ANKIB1: variants seen among roughly 807,000 people sequenced by gnomAD.
The protein encoded by ANKIB1 is ankyrin repeat and IBR domain containing 1.
Under a neutral mutation model 122.1 loss-of-function variants are expected in ANKIB1, and 43 were observed. The observed-to-expected ratio is 0.35, with a 90% CI of 0.28 to 0.45. The LOEUF (loss-of-function observed/expected upper bound fraction) is 0.45, where lower values mean the gene tolerates loss of function less well. Among genes scored for constraint, ANKIB1 ranks in the 20% least tolerant of loss-of-function variants. The probability of loss-of-function intolerance (pLI) is 1.00; values close to 1 mark genes in which losing one functional copy is unlikely to be tolerated. For synonymous variants in ANKIB1, 390 were observed against 442.0 expected, an observed-to-expected ratio of 0.88 and a Z score of 1.48; for missense variants, 992 against 1,329.5, an observed-to-expected ratio of 0.75 and a Z score of 3.95.
intron 10 of ANKIB1, among the ~76,000 whole-genome samples, chr7:92,365,271 A>G (rs1804046019): frequency 6.6e-6 from 1 of 152,192 alleles, no homozygotes; most frequent in Non-Finnish European, 1.5e-5. Context: ...ACAAAGAAAG[A>G]GGAGGCCAAT....
chr7:92,256,941 G>A (rs1801459491), intron 1 of ANKIB1, among the ~76,000 whole-genome samples: 4 of 152,096 alleles, frequency 2.6e-5, no homozygotes, highest in African/African-American at 9.7e-5. Flanking sequence ...TGTAATCCTG[G>A]CACTTTGAGA....
At chr7:92,382,952 G>A (rs181090800) in intron 11 of ANKIB1, among the ~76,000 whole-genome samples, 1 of 152,254 alleles carries the variant, frequency 6.6e-6, no homozygotes, top group African/African-American at 2.4e-5. Flanking sequence ...GAGTCCAGGA[G>A]CTGGTTTTTT....
chr7:92,397,106 C>T (rs778732326), intron 18 of ANKIB1, among the ~76,000 whole-genome samples: 1 of 151,942 alleles, frequency 6.6e-6, no homozygotes, highest in Admixed American at 6.6e-5. Flanking sequence ...AAATGAAAAA[C>T]GTTTATTAGT....
chr7:92,305,914 A>G (rs1253878916), intron 2 of ANKIB1, among the ~76,000 whole-genome samples: 1 of 152,128 alleles, frequency 6.6e-6, no homozygotes, highest in East Asian at 1.9e-4. Context: ...GGAGTGGATG[A>G]TCCTCGAGAC....
At chr7:92,273,554 C>T (rs981075876) in intron 1 of ANKIB1, among the ~76,000 whole-genome samples, 4 of 152,098 alleles carry the variant, frequency 2.6e-5, no homozygotes, top group Non-Finnish European at 5.9e-5. Flanking sequence ...ACAGAAATAA[C>T]TACTAGAATC....
chr7:92,319,457 G>A lies in ANKIB1; in HGVS notation c.614G>A (p.Arg205Gln), dbSNP rs1305320870. Residue 205 changes from arginine to glutamine, a missense_variant, in exon 4 of 20, where the codon CGG becomes CAG. Physicochemically the swap from Arg to Gln is conservative, Grantham distance 43. Around this residue, in one of 4 missense-constraint regions of ANKIB1, gnomAD observed 521 missense variants for 777.7 expected, o/e 0.67. Transcript: ENST00000265742. ...LNLESQMVFS[R>Q]DPEAEEIEAE... Reference sequence around the variant, plus strand: ...CTGGAATCTCAAATGGTATTCTCACGGGATCCCGAGGCTGAAGAAATAGAA... The same window carrying A: ...CTGGAATCTCAAATGGTATTCTCACAGGATCCCGAGGCTGAAGAAATAGAA... 6 of 1,613,278 alleles carry A rather than the reference G, an allele frequency of 3.7e-6. No individual in the cohort carries two copies. In the Admixed American group the frequency reaches 5.0e-5, roughly 13 times the overall value.
At chr7:92,341,580 G>C (rs1803441595) in intron 5 of ANKIB1, among the ~76,000 whole-genome samples, 1 of 152,046 alleles carries the variant, frequency 6.6e-6, no homozygotes, top group African/African-American at 2.4e-5. Context: ...TTAATATGTA[G>C]TCATTAAAAA....
chr7:92,270,721 C>A (rs898664625), intron 1 of ANKIB1, among the ~76,000 whole-genome samples: 1 of 144,626 alleles, frequency 6.9e-6, no homozygotes, highest in South Asian at 2.2e-4. Context: ...TGTCTTCCAT[C>A]GCTATAGTTT....
intron 7 of ANKIB1, among the ~76,000 whole-genome samples, chr7:92,349,351 A>G (rs982838146): frequency 1.4e-4 from 21 of 152,182 alleles, no homozygotes; most frequent in Admixed American, 2.6e-4. Flanking sequence ...TCTCTTTTCT[A>G]TGAATTGCCC....
intron 4 of ANKIB1, among the ~76,000 whole-genome samples, chr7:92,325,060 T>C (rs933334218): frequency 6.6e-6 from 1 of 152,184 alleles, no homozygotes; most frequent in South Asian, 2.1e-4. Flanking sequence ...GTGTGTTCAA[T>C]GTATTTAAAC....
At chr7:92,266,108 G>T (rs980027123) in intron 1 of ANKIB1, among the ~76,000 whole-genome samples, 3 of 152,190 alleles carry the variant, frequency 2.0e-5, no homozygotes, top group African/African-American at 7.2e-5. Flanking sequence ...CAGGTGTCCA[G>T]TGAGGTTGGA....
intron 11 of ANKIB1, among the ~76,000 whole-genome samples, chr7:92,380,347 GA>G (rs1804484204): frequency 6.6e-6 from 1 of 152,194 alleles, no homozygotes; most frequent in Admixed American, 6.5e-5. Context: ...TGCAGACTTT[GA>G]TGTCCCTGTC....
chr7:92,349,380 G>C (rs1052494211), intron 7 of ANKIB1, among the ~76,000 whole-genome samples: 1 of 152,194 alleles, frequency 6.6e-6, no homozygotes, highest in African/African-American at 2.4e-5. Context: ...ATATGAAAGA[G>C]AAGATGGAGC....
At chr7:92,380,854 A>G in intron 11 of ANKIB1, among the ~76,000 whole-genome samples, 1 of 152,344 alleles carries the variant, frequency 6.6e-6, no homozygotes, top group African/African-American at 2.4e-5. Context: ...CATCTCCTCC[A>G]GAGGATTGCA....
chr7:92,321,839 T>C (rs577703972), intron 4 of ANKIB1, among the ~76,000 whole-genome samples: 19 of 152,354 alleles, frequency 1.2e-4, no homozygotes, highest in African/African-American at 4.3e-4. Context: ...GGTTATTTTA[T>C]AGGCAAGCTT....
chr7:92,324,241 A>G (rs890019987), intron 4 of ANKIB1, among the ~76,000 whole-genome samples: 5 of 152,034 alleles, frequency 3.3e-5, no homozygotes, highest in African/African-American at 1.2e-4. Flanking sequence ...ATTTTTTTAA[A>G]ATTATTTTTT....
intron 1 of ANKIB1, 75 bp downstream of exon 1, chr7:92,246,594 C>G (rs1404894347): frequency 4.1e-6 from 2 of 485,708 alleles, no homozygotes; most frequent in Non-Finnish European, 8.2e-6. Flanking sequence ...TCAGAGCTAC[C>G]TACTTCACAC....
At chr7:92,246,823 C>T (rs1414975666) in intron 1 of ANKIB1, among the ~76,000 whole-genome samples, 1 of 151,946 alleles carries the variant, frequency 6.6e-6, no homozygotes, top group African/African-American at 2.4e-5. Context: ...CTCGCAGCCT[C>T]CCCCCCACCC....
At chr7:92,318,190 C>G (rs529446921) in intron 3 of ANKIB1, among the ~76,000 whole-genome samples, 1 of 152,222 alleles carries the variant, frequency 6.6e-6, no homozygotes, top group South Asian at 2.1e-4. Flanking sequence ...GTGACTGTTA[C>G]TATATTATTA....
Sources: allele counts gnomAD v4.1 joint callset (sites outside exome capture counted in the v4.1 genomes callset), GRCh38; gene constraint gnomAD v4.1.1; regional missense constraint gnomAD v4.1.1; transcripts MANE v1.5; gene names NCBI Gene and HGNC (gene_info 2026-07-23, HGNC 2026-07-21).